LMBRD1: variants seen among roughly 807,000 people sequenced by gnomAD.
LMBRD1 encodes the protein lysosomal cobalamin transport escort protein LMBD1.
In LMBRD1, 64 loss-of-function variants were observed where a neutral mutation model predicts 74.8. The ratio of observed to expected loss-of-function variants is 0.86; its 90% CI spans 0.70 to 1.05. The LOEUF (loss-of-function observed/expected upper bound fraction) is 1.05. LMBRD1 is among the 50% of genes least tolerant of loss of function. The probability of loss-of-function intolerance (pLI) is 0.00; values close to 1 mark genes in which losing one functional copy is unlikely to be tolerated. For synonymous variants in LMBRD1, 204 were observed against 216.3 expected (o/e 0.94, Z 0.50); for missense variants, 652 against 645.9 (o/e 1.01, Z -0.10).
intron 2 of LMBRD1, among the ~76,000 whole-genome samples, chr6:69,786,297 G>C (rs747380308): frequency 1.3e-5 from 2 of 152,134 alleles, no homozygotes; most frequent in Non-Finnish European, 2.9e-5. Flanking sequence ...AGGAATGAGG[G>C]AGCAGTAGAG....
At chr6:69,749,796 CGTTTGT>C (rs1023558632) in intron 4 of LMBRD1, among the ~76,000 whole-genome samples, 9 of 149,722 alleles carry the variant, frequency 6.0e-5, no homozygotes, top group African/African-American at 2.2e-4. Flanking sequence ...ACAATATATA[CGTTTGT>C]GTTTGAGTAT....
chr6:69,694,680 T>C (rs1385760007), intron 14 of LMBRD1, among the ~76,000 whole-genome samples: 2 of 152,152 alleles, frequency 1.3e-5, no homozygotes, highest in East Asian at 3.8e-4. Flanking sequence ...AAATTGTCCT[T>C]TGCTTTCCAT....
At chr6:69,756,172 C>A (rs929088739) in intron 3 of LMBRD1, among the ~76,000 whole-genome samples, 6 of 151,942 alleles carry the variant, frequency 3.9e-5, no homozygotes, top group Non-Finnish European at 8.8e-5. Context: ...GCCAGCCTGG[C>A]CAACATAATG....
chr6:69,754,667 TG>T (rs1765232513), intron 3 of LMBRD1, among the ~76,000 whole-genome samples: 1 of 152,214 alleles, frequency 6.6e-6, no homozygotes, highest in South Asian at 2.1e-4. Flanking sequence ...CAAAGAATAG[TG>T]AGTTTTAACA....
At chr6:69,685,228 G>A (rs184645435) in intron 14 of LMBRD1, among the ~76,000 whole-genome samples, 21 of 152,186 alleles carry the variant, frequency 1.4e-4, no homozygotes, top group South Asian at 2.1e-4. Flanking sequence ...GGAGGGGTAG[G>A]GCGAAGATTT....
At chr6:69,761,675 A>G (rs971306554) in intron 3 of LMBRD1, among the ~76,000 whole-genome samples, 1 of 152,234 alleles carries the variant, frequency 6.6e-6, no homozygotes, top group African/African-American at 2.4e-5. Context: ...TTCACAAATT[A>G]TAACTGTGTA....
intron 7 of LMBRD1, among the ~76,000 whole-genome samples, chr6:69,724,697 C>G (rs1766689839): frequency 6.6e-6 from 1 of 151,372 alleles, no homozygotes; most frequent in Non-Finnish European, 1.5e-5. Context: ...CCTCAAAAAA[C>G]TGAGTATAGA....
intron 8 of LMBRD1, among the ~76,000 whole-genome samples, chr6:69,717,717 A>G (rs2149855638): frequency 6.6e-6 from 1 of 152,286 alleles, no homozygotes; most frequent in East Asian, 1.9e-4. Flanking sequence ...GTTTTTAAAC[A>G]GGGTCTTGCT....
At chr6:69,710,432 T>C (rs1400110124) in intron 9 of LMBRD1, among the ~76,000 whole-genome samples, 1 of 152,096 alleles carries the variant, frequency 6.6e-6, no homozygotes, top group Non-Finnish European at 1.5e-5. Flanking sequence ...TACCTTAGGA[T>C]AGACAAACAT....
At position 69,796,916 on chromosome 6, in the gene LMBRD1, G is replaced by C. The variant is rs1279018450; in HGVS notation, c.-35C>G. 1 of 1,605,028 alleles carries C rather than the reference G, an allele frequency of 6.2e-7. No individual in the cohort carries two copies. The highest frequency in any genetic ancestry group is 2.2e-5 in the East Asian group (1 of 44,772). On this transcript the variant is annotated 5_prime_UTR_variant, in exon 1 of 16. Coordinates refer to ENST00000649934, the MANE Select transcript of LMBRD1 (RefSeq NM_018368.4). The stretch of plus-strand genomic sequence containing the variant: ...CGGTCCAGACCAACCTGAGCGCCCG[G>C]GGTGGGGAAAGGGGAGGGGGAAAGG...
chr6:69,697,447 C>A, intron 14 of LMBRD1, 116 bp downstream of exon 14: 1 of 752,392 alleles, frequency 1.3e-6, no homozygotes, highest in South Asian at 1.5e-5. Flanking sequence ...CCTCTACTTG[C>A]TAAAAGTTTC....
chr6:69,719,838 A>T (rs1286648457), intron 7 of LMBRD1, among the ~76,000 whole-genome samples: 1 of 152,184 alleles, frequency 6.6e-6, no homozygotes, highest in Non-Finnish European at 1.5e-5. Flanking sequence ...TTATGTACTT[A>T]AATGTTTTTC....
At chr6:69,690,968 A>G (rs1765864195) in intron 14 of LMBRD1, among the ~76,000 whole-genome samples, 1 of 152,124 alleles carries the variant, frequency 6.6e-6, no homozygotes, top group Admixed American at 6.6e-5. Flanking sequence ...TTTATTGCAT[A>G]TTATAATGCC....
intron 2 of LMBRD1, among the ~76,000 whole-genome samples, chr6:69,789,325 C>A (rs1468853552): frequency 6.6e-6 from 1 of 152,046 alleles, no homozygotes; most frequent in African/African-American, 2.4e-5. Flanking sequence ...AAGTTTAAGA[C>A]CAGCCTGGCC....
At chr6:69,753,790 A>T (rs949965794) in intron 3 of LMBRD1, among the ~76,000 whole-genome samples, 2 of 152,026 alleles carry the variant, frequency 1.3e-5, no homozygotes, top group African/African-American at 2.4e-5. Flanking sequence ...AATACAAAAA[A>T]ATTAGCTGGG....
chr6:69,758,453 C>T (rs1026816719), intron 3 of LMBRD1, among the ~76,000 whole-genome samples: 3 of 152,140 alleles, frequency 2.0e-5, no homozygotes, highest in Non-Finnish European at 2.9e-5. Context: ...CCTTTCTTGA[C>T]CTTCCCCCTT....
chr6:69,733,749 A>G (rs992856113), intron 7 of LMBRD1, among the ~76,000 whole-genome samples: 1 of 152,110 alleles, frequency 6.6e-6, no homozygotes, highest in African/African-American at 2.4e-5. Context: ...CCCAACCCCA[A>G]CTAACCACCA....
At chr6:69,744,241 A>G (rs1205780354) in intron 5 of LMBRD1, among the ~76,000 whole-genome samples, 1 of 152,208 alleles carries the variant, frequency 6.6e-6, no homozygotes, top group Admixed American at 6.5e-5. Flanking sequence ...ATGTATACAG[A>G]ACACCTCAGC....
chr6:69,793,219 G>A (rs910490495), intron 1 of LMBRD1, among the ~76,000 whole-genome samples: 1 of 152,140 alleles, frequency 6.6e-6, no homozygotes, highest in Non-Finnish European at 1.5e-5. Flanking sequence ...TCTCCCAAAA[G>A]ATTCAAAATA....
Sources: gnomAD v4.1 joint callset for allele counts (sites outside exome capture counted in the v4.1 genomes callset) on GRCh38, gnomAD v4.1.1 for gene constraint, MANE v1.5 for transcripts, NCBI Gene and HGNC (gene_info 2026-07-23, HGNC 2026-07-21) for gene names.